Variants in WDR49 observed in about 807,000 individuals in gnomAD.
WDR49 encodes the protein cilia- and flagella-associated protein 337.
WDR49 carries 107 observed loss-of-function variants against 119.5 expected under a neutral mutation model. The ratio of observed to expected loss-of-function variants is 0.90; its 90% CI spans 0.77 to 1.05. WDR49 has a LOEUF of 1.05. WDR49 is among the 50% of genes least tolerant of loss of function. WDR49 has a pLI of 0.00. For missense variants in WDR49, 1,240 were observed against 1,220.5 expected, an observed-to-expected ratio of 1.02 and a Z score of -0.24; for synonymous variants, 425 against 418.8, an observed-to-expected ratio of 1.01 and a Z score of -0.18.
At chr3:167,549,324 T>C (rs1226698975) in intron 10 of WDR49, among the ~76,000 whole-genome samples, 2 of 152,180 alleles carry the variant, frequency 1.3e-5, no homozygotes, top group African/African-American at 4.8e-5. Flanking sequence ...GTAAAAGTGT[T>C]CCTATTTCTC....
intron 18 of WDR49, among the ~76,000 whole-genome samples, chr3:167,486,320 A>C (rs184305521): frequency 6.6e-6 from 1 of 152,270 alleles, no homozygotes; most frequent in African/African-American, 2.4e-5. Flanking sequence ...CATAGCCCAC[A>C]GTTCACTATA....
At chr3:167,565,837 A>C (rs1210815238) in intron 8 of WDR49, among the ~76,000 whole-genome samples, 1 of 152,122 alleles carries the variant, frequency 6.6e-6, no homozygotes, top group Non-Finnish European at 1.5e-5. Context: ...CAAATTTCAA[A>C]AGTAGAAAAA....
chr3:167,633,107 G>T (rs1717447863), intron 2 of WDR49, among the ~76,000 whole-genome samples: 2 of 151,912 alleles, frequency 1.3e-5, no homozygotes, highest in South Asian at 4.1e-4. Context: ...GTGTGTGTGT[G>T]TGTGTGTGTG....
chr3:167,498,083 A>C (rs1487737918), intron 18 of WDR49, among the ~76,000 whole-genome samples: 3 of 151,852 alleles, frequency 2.0e-5, no homozygotes, highest in Admixed American at 6.6e-5. Context: ...CTCTTGATCC[A>C]CCTGCCTCGG....
At chr3:167,615,365 G>A (rs1716544176) in intron 5 of WDR49, among the ~76,000 whole-genome samples, 1 of 150,482 alleles carries the variant, frequency 6.6e-6, no homozygotes, top group African/African-American at 2.4e-5. Context: ...CAAACTCCTA[G>A]GCTCAAACAA....
intron 2 of WDR49, among the ~76,000 whole-genome samples, chr3:167,649,379 G>A (rs1285929407): frequency 2.6e-5 from 4 of 152,116 alleles, no homozygotes; most frequent in African/African-American, 4.8e-5. Flanking sequence ...TTGCCTGGCA[G>A]GACATCAACA....
upstream of WDR49, among the ~76,000 whole-genome samples, chr3:167,655,893 G>GTCTC (rs892517817): frequency 1.3e-5 from 2 of 150,770 alleles, no homozygotes; most frequent in Admixed American, 1.3e-4. Context: ...GATAGACACT[G>GTCTC]TCTCTCTCTC....
intron 16 of WDR49, among the ~76,000 whole-genome samples, chr3:167,510,803 C>T (rs1289002225): frequency 6.6e-6 from 1 of 151,882 alleles, no homozygotes; most frequent in Non-Finnish European, 1.5e-5. Flanking sequence ...CTTCTATTTT[C>T]TTTAGACTTT....
intron 5 of WDR49, among the ~76,000 whole-genome samples, chr3:167,617,538 A>G (rs975308421): frequency 8.5e-5 from 13 of 152,188 alleles, no homozygotes; most frequent in African/African-American, 3.1e-4. Flanking sequence ...TCAAACAAAC[A>G]AAGAAACAAA....
rs148850771 is a variant in WDR49, at chr3:167,511,872, C to T, written c.2775-6456G>A. Reference sequence around the variant, plus strand: ...GCCAACTGCTTCTTTAGGTGGGACCCGGATCCATCCCTCCTCTTTGGGTGG... The same window carrying T: ...GCCAACTGCTTCTTTAGGTGGGACCTGGATCCATCCCTCCTCTTTGGGTGG... On this transcript the variant is annotated intron_variant, in intron 16 of 18. Transcript: ENST00000682715. 6.3e-3 allele frequency among the ~76,000 whole-genome samples: 965 copies of T among 152,298 alleles called. 13 individuals carry two copies. The highest frequency in any genetic ancestry group is 0.022 in the African/African-American group (910 of 41,572).
At chr3:167,606,508 G>GTA (rs1193362211) in intron 5 of WDR49, among the ~76,000 whole-genome samples, 2 of 152,138 alleles carry the variant, frequency 1.3e-5, no homozygotes, top group Non-Finnish European at 2.9e-5. Flanking sequence ...TCTGTTTTAA[G>GTA]CTTCTACTTC....
intron 17 of WDR49, among the ~76,000 whole-genome samples, chr3:167,504,469 C>A (rs368245985): frequency 6.6e-6 from 1 of 152,184 alleles, no homozygotes; most frequent in Admixed American, 6.5e-5. Context: ...TGGCCAGTTT[C>A]TCCTTTTAGA....
rs1208767815 is a variant in WDR49 at position 167,492,726 on chromosome 3, A to G, written c.3031+7427T>C. Among the ~76,000 whole-genome samples, 3 of 152,184 alleles carry G rather than the reference A, an allele frequency of 2.0e-5. No homozygotes were observed. The East Asian group carries it at 5.8e-4, about 29-fold the overall frequency. ...TAAGTTTACAAAGCTAGCAAGTAGT[A>G]GAACCTTGTTTTGAAACCAGTCTTA... is the stretch of plus-strand genomic sequence containing the variant. On this transcript the variant is annotated intron_variant, in intron 18 of 18. Coordinates refer to ENST00000682715, the MANE Select transcript of WDR49 (RefSeq NM_001366157.1).
chr3:167,517,971 G>A (rs1455925721), intron 16 of WDR49, among the ~76,000 whole-genome samples: 1 of 151,718 alleles, frequency 6.6e-6, no homozygotes, highest in African/African-American at 2.4e-5. Context: ...ACCTATGAGT[G>A]AGAACATGCA....
intron 2 of WDR49, among the ~76,000 whole-genome samples, chr3:167,636,000 G>A (rs1367645220): frequency 1.3e-5 from 2 of 151,538 alleles, no homozygotes; most frequent in Non-Finnish European, 1.5e-5. Flanking sequence ...TTGGAAAGAG[G>A]TGGTATTTGG....
intron 18 of WDR49, among the ~76,000 whole-genome samples, chr3:167,492,688 T>G (rs1289412732): frequency 6.6e-6 from 1 of 152,140 alleles, no homozygotes; most frequent in East Asian, 1.9e-4. Flanking sequence ...ACAGAATGTT[T>G]ACTCGAATTG....
At chr3:167,611,672 G>A (rs1317908677) in intron 5 of WDR49, among the ~76,000 whole-genome samples, 1 of 152,096 alleles carries the variant, frequency 6.6e-6, no homozygotes, top group Non-Finnish European at 1.5e-5. Context: ...AACCAAAAAA[G>A]AGTAGGAGTC....
chr3:167,517,748 T>C (rs1440424819), intron 16 of WDR49, among the ~76,000 whole-genome samples: 2 of 151,978 alleles, frequency 1.3e-5, no homozygotes, highest in African/African-American at 4.8e-5. Flanking sequence ...TTTATTATTA[T>C]TATACTTTAA....
upstream of WDR49, among the ~76,000 whole-genome samples, chr3:167,656,464 A>G (rs1718607172): frequency 6.6e-6 from 1 of 152,200 alleles, no homozygotes; most frequent in Non-Finnish European, 1.5e-5. Context: ...GTAAAGATGA[A>G]CCACGAGAGG....
Sources: gnomAD v4.1 joint callset for allele counts (sites outside exome capture counted in the v4.1 genomes callset) on GRCh38, gnomAD v4.1.1 for gene constraint, MANE v1.5 for transcripts, NCBI Gene and HGNC (gene_info 2026-07-23, HGNC 2026-07-21) for gene names.